The following GPC6 variants were observed in gnomAD, a reference collection of about 807,000 sequenced individuals.
GPC6 encodes glypican-6.
A neutral mutation model predicts 55.2 loss-of-function variants in GPC6; 14 were observed. The ratio of observed to expected loss-of-function variants is 0.25; its 90% confidence interval spans 0.17 to 0.40. The LOEUF is 0.40. Ranked by LOEUF, GPC6 falls within the 10% of genes least tolerant of loss-of-function variation. The pLI is 1.00. For synonymous variants in GPC6, 278 were observed against 259.6 expected, an observed-to-expected ratio of 1.07 and a Z score of -0.68; for missense variants, 641 against 708.5, an observed-to-expected ratio of 0.90 and a Z score of 1.08.
rs568931988 is a variant in GPC6, at chr13:93,391,703, G to T, written c.161-153560G>T. On this transcript the variant is annotated intron_variant, in intron 1 of 8. Transcript: ENST00000377047. ...TGATTCTGCCACCCCCTCAGGGTGG[G>T]TTTTCATTTCTTGGGGTTCTTTTTC... Among the ~76,000 whole-genome samples, 3 of 152,168 alleles carry T rather than the reference G, an allele frequency of 2.0e-5. No homozygotes were observed. The East Asian group carries it at 5.8e-4, about 29-fold the overall frequency.
intron 2 of GPC6, among the ~76,000 whole-genome samples, chr13:93,620,943 T>C (rs1174274090): frequency 1.3e-5 from 2 of 152,188 alleles, no homozygotes; most frequent in East Asian, 1.9e-4. Context: ...TTTTTTGTGA[T>C]ATCTTTTCCC....
chr13:93,831,266 A>G (rs889393832), intron 3 of GPC6, among the ~76,000 whole-genome samples: 1 of 152,206 alleles, frequency 6.6e-6, no homozygotes, highest in Non-Finnish European at 1.5e-5. Flanking sequence ...GGATAATTCT[A>G]CATTCCACTA....
At chr13:93,859,289 A>G (rs188051651) in intron 3 of GPC6, among the ~76,000 whole-genome samples, 1 of 151,754 alleles carries the variant, frequency 6.6e-6, no homozygotes, top group East Asian at 2.0e-4. Context: ...TTTCTTAGTG[A>G]TGTGTCTAAT....
At chr13:93,618,399 A>G (rs549076309) in intron 2 of GPC6, among the ~76,000 whole-genome samples, 5 of 152,226 alleles carry the variant, frequency 3.3e-5, no homozygotes, top group African/African-American at 9.6e-5. Flanking sequence ...GAATTTTTCA[A>G]TGAAATCAGT....
rs538500650 is a variant in GPC6 at position 93,390,530 on chromosome 13, G to A, written c.161-154733G>A. 1.2e-4 allele frequency among the ~76,000 whole-genome samples: 18 copies of A among 152,126 alleles called. 1 individual carries two copies. Among genetic ancestry groups the A allele is most frequent in the African/African-American group, 3.9e-4 (16 of 41,510 alleles). Reference sequence around the variant, plus strand: ...AAATGGATCACGTTTGCTGCCTTTCGGTGTGTTATGGGCAGGAGTGGAAAG... The same window carrying A: ...AAATGGATCACGTTTGCTGCCTTTCAGTGTGTTATGGGCAGGAGTGGAAAG... On this transcript the variant is annotated intron_variant, in intron 1 of 8. Coordinates refer to ENST00000377047, the MANE Select transcript of GPC6 (RefSeq NM_005708.5).
intron 4 of GPC6, among the ~76,000 whole-genome samples, chr13:94,192,973 G>T (rs930888378): frequency 1.6e-4 from 25 of 152,022 alleles, no homozygotes; most frequent in Admixed American, 9.8e-4. Context: ...AACCAAAAAT[G>T]AAGCCTTATT....
intron 2 of GPC6, among the ~76,000 whole-genome samples, chr13:93,756,394 A>G (rs1249305037): frequency 2.6e-5 from 4 of 152,158 alleles, no homozygotes; most frequent in African/African-American, 9.7e-5. Context: ...CTTCCCAAAG[A>G]CAGAAATGTA....
chr13:93,819,161 T>C (rs1886959452), intron 2 of GPC6, among the ~76,000 whole-genome samples: 2 of 152,216 alleles, frequency 1.3e-5, no homozygotes, highest in South Asian at 2.1e-4. Context: ...CATTTGACTG[T>C]TCCTCTTTAG....
intron 1 of GPC6, among the ~76,000 whole-genome samples, chr13:93,332,244 A>T (rs537780939): frequency 2.7e-5 from 4 of 148,626 alleles, no homozygotes; most frequent in African/African-American, 9.9e-5. Context: ...GCTAAATAAT[A>T]TGGTATTTCT....
intron 4 of GPC6, among the ~76,000 whole-genome samples, chr13:94,264,924 A>T (rs916165526): frequency 6.6e-6 from 1 of 152,238 alleles, no homozygotes; most frequent in Non-Finnish European, 1.5e-5. Flanking sequence ...AAAATCCTAT[A>T]TAAAGCCATC....
chr13:93,631,855 G>A (rs967963278), intron 2 of GPC6, among the ~76,000 whole-genome samples: 13 of 152,150 alleles, frequency 8.5e-5, no homozygotes, highest in Admixed American at 1.3e-4. Context: ...AAGATAGAAC[G>A]AATTTTTAGT....
At chr13:93,870,451 G>A (rs1481916489) in intron 3 of GPC6, among the ~76,000 whole-genome samples, 1 of 151,762 alleles carries the variant, frequency 6.6e-6, no homozygotes, top group Non-Finnish European at 1.5e-5. Flanking sequence ...ATATAAATTT[G>A]GCTAGTTTTT....
At chr13:93,274,746 G>A (rs115953971) in intron 1 of GPC6, among the ~76,000 whole-genome samples, 2,210 of 152,154 alleles carry the variant, frequency 0.015, 47 homozygotes, top group African/African-American at 0.05. Context: ...ATGAAATATC[G>A]CTTTCGTAAA....
At chr13:93,943,102 C>A (rs909727970) in intron 3 of GPC6, among the ~76,000 whole-genome samples, 2 of 152,106 alleles carry the variant, frequency 1.3e-5, no homozygotes, top group African/African-American at 4.8e-5. Context: ...CAGTGTCTTT[C>A]CATTCAGCTA....
At chr13:94,311,876 C>T (rs1248371037) in intron 6 of GPC6, among the ~76,000 whole-genome samples, 2 of 152,270 alleles carry the variant, frequency 1.3e-5, no homozygotes, top group Non-Finnish European at 1.5e-5. Context: ...GGGAAAACAT[C>T]ATGGGTGGGA....
At chr13:93,721,883 C>G (rs1883467592) in intron 2 of GPC6, among the ~76,000 whole-genome samples, 1 of 151,392 alleles carries the variant, frequency 6.6e-6, no homozygotes, top group Admixed American at 6.6e-5. Flanking sequence ...GCCACATAGT[C>G]AAAACACCGA....
intron 1 of GPC6, among the ~76,000 whole-genome samples, chr13:93,262,169 A>C (rs996451104): frequency 6.6e-6 from 1 of 152,096 alleles, no homozygotes; most frequent in East Asian, 1.9e-4. Context: ...TGGCTTATAC[A>C]ACATTCCTCA....
intron 2 of GPC6, among the ~76,000 whole-genome samples, chr13:93,584,442 T>C (rs1877089875): frequency 1.3e-5 from 2 of 152,176 alleles, no homozygotes; most frequent in Admixed American, 1.3e-4. Flanking sequence ...CTCTCATGAA[T>C]GTGCAGTGTG....
intron 1 of GPC6, among the ~76,000 whole-genome samples, chr13:93,279,652 G>C (rs1485369733): frequency 6.6e-6 from 1 of 152,120 alleles, no homozygotes; most frequent in South Asian, 2.1e-4. Flanking sequence ...AGAAAATATA[G>C]GTTTATACAT....
Sources: allele counts gnomAD v4.1 joint callset (sites outside exome capture counted in the v4.1 genomes callset), GRCh38; gene constraint gnomAD v4.1.1; transcripts MANE v1.5; gene names NCBI Gene and HGNC (gene_info 2026-07-23, HGNC 2026-07-21).